The following SOX5 variants were observed in gnomAD, a reference collection of about 807,000 sequenced individuals.
SOX5 encodes the protein transcription factor SOX-5.
SOX5 carries 9 observed loss-of-function variants against 92.0 expected under a neutral mutation model. That is an observed-to-expected ratio of 0.10 (90% CI 0.06 to 0.17). SOX5 has a LOEUF of 0.17. Among genes scored for constraint, SOX5 ranks in the 10% least tolerant of loss-of-function variants. SOX5 has a pLI of 1.00. For missense variants in SOX5, 642 were observed against 944.5 expected, an observed-to-expected ratio of 0.68 and a Z score of 4.20; for synonymous variants, 344 against 336.3, an observed-to-expected ratio of 1.02 and a Z score of -0.25.
chr12:23,860,955 A>T (rs113809559), intron 2 of SOX5, among the ~76,000 whole-genome samples: 10 of 97,638 alleles, frequency 1.0e-4, no homozygotes, highest in African/African-American at 3.5e-4. Context: ...TATTTTGTAA[A>T]AAAAAAAAAA....
chr12:24,179,474 C>T (rs1338082225), intron 4 of SOX5, among the ~76,000 whole-genome samples: 2 of 152,196 alleles, frequency 1.3e-5, no homozygotes. Context: ...TGAGCTGTAG[C>T]TCCTAGTCAA....
chr12:24,003,064 A>C (rs1055579333), intron 4 of SOX5, among the ~76,000 whole-genome samples: 1 of 152,100 alleles, frequency 6.6e-6, no homozygotes, highest in African/African-American at 2.4e-5. Flanking sequence ...ATGAAAATTG[A>C]CTATCACAAT....
At chr12:23,867,428 A>T (rs921231016) in intron 2 of SOX5, among the ~76,000 whole-genome samples, 1 of 152,236 alleles carries the variant, frequency 6.6e-6, no homozygotes, top group East Asian at 1.9e-4. Context: ...TCCTGTCTGA[A>T]CTTTAATTTT....
chr12:24,379,278 C>G (rs1195552603), intron 1 of SOX5, among the ~76,000 whole-genome samples: 1 of 152,034 alleles, frequency 6.6e-6, no homozygotes, highest in Non-Finnish European at 1.5e-5. Context: ...CCAAAAAGGC[C>G]AAATAGAGTG....
intron 11 of SOX5, among the ~76,000 whole-genome samples, chr12:23,558,472 G>A (rs1945619285): frequency 6.6e-6 from 1 of 150,996 alleles, no homozygotes; most frequent in South Asian, 2.1e-4. Context: ...AGCTGTAGGT[G>A]CAGCAACCAT....
intron 1 of SOX5, among the ~76,000 whole-genome samples, chr12:24,475,976 T>C (rs181399077): frequency 1.3e-3 from 185 of 146,744 alleles, no homozygotes; most frequent in African/African-American, 4.4e-3. Context: ...AGCAAGACCC[T>C]GTCTCCGAAA....
intron 1 of SOX5, among the ~76,000 whole-genome samples, chr12:23,896,767 C>A (rs2097182313): frequency 1.4e-5 from 2 of 147,776 alleles, no homozygotes; most frequent in African/African-American, 5.0e-5. Context: ...TCTATTTTCA[C>A]AACTCTATGA....
At chr12:24,275,448 TTA>T (rs1266828228) in intron 3 of SOX5, among the ~76,000 whole-genome samples, 1 of 152,042 alleles carries the variant, frequency 6.6e-6, no homozygotes, top group Non-Finnish European at 1.5e-5. Flanking sequence ...ATGCATAATT[TTA>T]TGTCTTTTAA....
chr12:23,574,047 C>G (rs1034791784), intron 10 of SOX5, among the ~76,000 whole-genome samples: 4 of 151,288 alleles, frequency 2.6e-5, no homozygotes, highest in Non-Finnish European at 5.9e-5. Context: ...GTATCTAATG[C>G]AATACCAGCT....
At chr12:24,511,973 G>A (rs1396439620) in intron 1 of SOX5, among the ~76,000 whole-genome samples, 6 of 129,542 alleles carry the variant, frequency 4.6e-5, no homozygotes, top group Non-Finnish European at 9.8e-5. Context: ...AAAAAAAAAA[G>A]TTTTTGCAAT....
At chr12:24,453,454 G>T (rs992780560) in intron 1 of SOX5, among the ~76,000 whole-genome samples, 2 of 152,040 alleles carry the variant, frequency 1.3e-5, no homozygotes, top group African/African-American at 4.8e-5. Flanking sequence ...CAACCATTGA[G>T]CTTGTTTATT....
At chr12:23,549,862 T>C (rs146215884) in intron 11 of SOX5, among the ~76,000 whole-genome samples, 56 of 152,150 alleles carry the variant, frequency 3.7e-4, no homozygotes, top group African/African-American at 1.3e-3. Flanking sequence ...AAAAATCTTC[T>C]GATTTTATGT....
At chr12:24,213,419 T>TAAAAAAAAGA (rs1958855026) in intron 3 of SOX5, 1 of 96,864 alleles carries the variant, frequency 1.0e-5, no homozygotes, top group Non-Finnish European at 2.1e-5. Flanking sequence ...CTTGAAATGC[T>TAAAAAAAAGA]AAAAAAAAAA....
intron 2 of SOX5, 28 bp from the exon 3 acceptor site, chr12:23,846,221 A>C: frequency 6.5e-7 from 1 of 1,527,386 alleles, no homozygotes; most frequent in Non-Finnish European, 9.1e-7. Flanking sequence ...ATGACAAATA[A>C]TTGTTTACCT....
intron 1 of SOX5, among the ~76,000 whole-genome samples, chr12:24,454,991 G>T (rs1361157860): frequency 6.6e-6 from 1 of 152,070 alleles, no homozygotes; most frequent in African/African-American, 2.4e-5. Flanking sequence ...CCAACTAAGG[G>T]GATACAGAGC....
At chr12:24,390,876 G>T (rs1596214908) in intron 1 of SOX5, among the ~76,000 whole-genome samples, 1 of 152,112 alleles carries the variant, frequency 6.6e-6, no homozygotes, top group Admixed American at 6.6e-5. Flanking sequence ...TGTGAATAGT[G>T]CTGTGATAAA....
At chr12:23,668,914 C>T (rs1056023356) in intron 6 of SOX5, among the ~76,000 whole-genome samples, 1 of 152,100 alleles carries the variant, frequency 6.6e-6, no homozygotes, top group Non-Finnish European at 1.5e-5. Flanking sequence ...AAGTAAATAC[C>T]TATCAATTAC....
intron 3 of SOX5, among the ~76,000 whole-genome samples, chr12:24,218,725 T>C (rs1959661672): frequency 1.3e-5 from 2 of 152,094 alleles, no homozygotes; most frequent in East Asian, 1.9e-4. Flanking sequence ...TTTAAAAAAG[T>C]ATATACATCT....
chr12:24,110,704 T>C (rs527833752), intron 4 of SOX5, among the ~76,000 whole-genome samples: 159 of 151,800 alleles, frequency 1.0e-3, no homozygotes, highest in Non-Finnish European at 1.7e-3. Context: ...GCTAACATGG[T>C]GAAACTCCGT....
Sources: allele counts gnomAD v4.1 joint callset (sites outside exome capture counted in the v4.1 genomes callset), GRCh38; gene constraint gnomAD v4.1.1; transcripts MANE v1.5; gene names NCBI Gene and HGNC (gene_info 2026-07-23, HGNC 2026-07-21).